EXOC2: variants seen among roughly 807,000 people sequenced by gnomAD.
The protein encoded by EXOC2 is exocyst complex component 2.
Under a neutral mutation model 131.8 loss-of-function variants are expected in EXOC2, and 70 were observed. That is an observed-to-expected ratio of 0.53 (90% CI 0.44 to 0.65). EXOC2 has a LOEUF of 0.65. Among genes scored for constraint, EXOC2 ranks in the 30% least tolerant of loss-of-function variants. The probability of loss-of-function intolerance (pLI) is 0.00; values close to 1 mark genes in which losing one functional copy is unlikely to be tolerated. For missense variants in EXOC2, 923 were observed against 1,108.6 expected (o/e 0.83, Z 2.38); for synonymous variants, 411 against 398.4 (o/e 1.03, Z -0.38).
chr6:499,428 TAAACACACAC>T (rs1258221221), intron 24 of EXOC2, among the ~76,000 whole-genome samples: 26 of 79,128 alleles, frequency 3.3e-4, no homozygotes, highest in African/African-American at 1.2e-3. Flanking sequence ...GACTCACAGT[TAAACACACAC>T]ACACACACAC....
chr6:568,691 T>C (rs1361087830), intron 13 of EXOC2, among the ~76,000 whole-genome samples: 1 of 152,226 alleles, frequency 6.6e-6, no homozygotes, highest in African/African-American at 2.4e-5. Flanking sequence ...GCATATCCTC[T>C]GCTTGTATCC....
At chr6:640,584 C>T (rs373267989) in intron 1 of EXOC2, among the ~76,000 whole-genome samples, 1 of 152,158 alleles carries the variant, frequency 6.6e-6, no homozygotes, top group South Asian at 2.1e-4. Flanking sequence ...AAAGGTGAAA[C>T]GAGGTCACAT....
At chr6:497,612 A>G in intron 24 of EXOC2, 123 bp from the exon 25 acceptor site, 2 of 1,278,128 alleles carry the variant, frequency 1.6e-6, no homozygotes, top group Non-Finnish European at 2.1e-6. Context: ...CATTTTTAAA[A>G]GGCCAAAATT....
At chr6:624,183 C>T (rs1761436062) in intron 4 of EXOC2, among the ~76,000 whole-genome samples, 2 of 152,096 alleles carry the variant, frequency 1.3e-5, no homozygotes, top group South Asian at 4.1e-4. Flanking sequence ...AATACCAATG[C>T]CAGAGTCCAT....
At chr6:672,864 T>G (rs1275557900) in intron 1 of EXOC2, among the ~76,000 whole-genome samples, 1 of 151,664 alleles carries the variant, frequency 6.6e-6, no homozygotes, top group African/African-American at 2.4e-5. Context: ...CATAAGTAAG[T>G]TGCATTCTTA....
intron 22 of EXOC2, among the ~76,000 whole-genome samples, chr6:538,637 T>G (rs554444269): frequency 6.2e-4 from 95 of 152,308 alleles, no homozygotes; most frequent in African/African-American, 2.1e-3. Flanking sequence ...TTAAAAAAGA[T>G]AACAATTTAA....
intron 2 of EXOC2, among the ~76,000 whole-genome samples, chr6:635,971 G>A (rs1438677787): frequency 6.6e-6 from 1 of 152,264 alleles, no homozygotes; most frequent in African/African-American, 2.4e-5. Flanking sequence ...GCTGAGGCAG[G>A]AGAATCGCTT....
chr6:499,886 A>G (rs1188835114), intron 23 of EXOC2, among the ~76,000 whole-genome samples, 186 bp from the exon 24 acceptor site: 1 of 152,208 alleles, frequency 6.6e-6, no homozygotes, highest in East Asian at 1.9e-4. Context: ...AAGAAAAAAA[A>G]AGAAATGAGA....
chr6:538,387 G>C (rs143613335), intron 22 of EXOC2, among the ~76,000 whole-genome samples: 1 of 152,312 alleles, frequency 6.6e-6, no homozygotes, highest in East Asian at 1.9e-4. Flanking sequence ...AAAAGCAAGG[G>C]TCAGATCCAT....
intron 1 of EXOC2, among the ~76,000 whole-genome samples, chr6:638,178 T>C (rs1203419168): frequency 1.3e-5 from 2 of 152,180 alleles, no homozygotes; most frequent in Admixed American, 1.3e-4. Context: ...GAACCCTAAA[T>C]TGATACTAGG....
rs140795508 is a variant in EXOC2, at chr6:672,788, G to T, written c.-44+20231C>A. Among the ~76,000 whole-genome samples the T allele has an allele frequency of 1.7e-3, 258 of 152,260 alleles. 1 individual carries two copies. The highest frequency in any genetic ancestry group is 5.9e-3 in the African/African-American group (247 of 41,544). On this transcript the variant is annotated intron_variant, in intron 1 of 27. Transcript: ENST00000230449. ...AGCTTTTTCCTTATTGTGAGGATTC[G>T]AGTGGTGACTTCCAAGCTCCTACAT...
chr6:611,836 T>C (rs959150556), intron 6 of EXOC2, among the ~76,000 whole-genome samples: 2 of 152,164 alleles, frequency 1.3e-5, no homozygotes, highest in African/African-American at 4.8e-5. Flanking sequence ...AAGTTTGTAT[T>C]TGAGAAACAA....
In EXOC2 at chr6:633,040, G is replaced by T; in HGVS notation, c.196C>A (p.Gln66Lys). Reference sequence around the variant, plus strand: ...ATGTCTCCTTTGTCATTTTTGGCTTGTCCCACTCGACATACTATTTTACTT... The same window carrying T: ...ATGTCTCCTTTGTCATTTTTGGCTTTTCCCACTCGACATACTATTTTACTT... ...SASKIVCRVG[Q>K]AKNDKGDIIV... is the part of the protein sequence containing the mutation. The change falls in exon 3 of 28, where the codon CAA becomes AAA. Residue 66 changes from glutamine to lysine, a missense_variant. By Grantham distance (53) the Gln-to-Lys change is moderately conservative. Transcript: ENST00000230449. The T allele has an allele frequency of 1.2e-6, 2 of 1,614,066 alleles. No homozygotes were observed. Among genetic ancestry groups the T allele is most frequent in the Middle Eastern group, 1.6e-4 (1 of 6,062 alleles).
intron 22 of EXOC2, among the ~76,000 whole-genome samples, chr6:540,053 C>T (rs1766714690): frequency 6.6e-6 from 1 of 152,238 alleles, no homozygotes; most frequent in South Asian, 2.1e-4. Flanking sequence ...AACAGAAGGA[C>T]AGCCTGTGTC....
chr6:502,423 C>T (rs1383251993), intron 23 of EXOC2, among the ~76,000 whole-genome samples: 1 of 152,102 alleles, frequency 6.6e-6, no homozygotes, highest in Non-Finnish European at 1.5e-5. Context: ...GAAAATTATA[C>T]TTAGAGTGAA....
In EXOC2 at chr6:600,978, T is replaced by C. The variant is rs558206082; in HGVS notation, c.743-1753A>G. Among the ~76,000 whole-genome samples the C allele has an allele frequency of 1.3e-3, 198 of 152,314 alleles. 1 individual carries two copies. The highest frequency in any genetic ancestry group is 4.5e-3 in the African/African-American group (185 of 41,556). On this transcript the variant is annotated intron_variant, in intron 7 of 27. Transcript: ENST00000230449. ...GTTCCTAACTCTGATTATCAGATAA[T>C]GTATTCAGTAATAAAATACATGAGG...
At chr6:691,228 G>A (rs2127825234) in intron 1 of EXOC2, among the ~76,000 whole-genome samples, 1 of 152,292 alleles carries the variant, frequency 6.6e-6, no homozygotes, top group African/African-American at 2.4e-5. Context: ...GGGCTCCCAA[G>A]AACTTAGCAA....
intron 23 of EXOC2, among the ~76,000 whole-genome samples, chr6:505,604 T>C (rs950790118): frequency 2.3e-4 from 35 of 152,226 alleles, no homozygotes; most frequent in African/African-American, 8.4e-4. Context: ...CACCCCACTC[T>C]GCATTCCCAG....
intron 2 of EXOC2, among the ~76,000 whole-genome samples, chr6:634,803 A>T (rs1379040501): frequency 1.3e-5 from 2 of 152,092 alleles, no homozygotes; most frequent in Admixed American, 1.3e-4. Context: ...TTTTTTTCAA[A>T]ATGGGCATGT....
Sources: gnomAD v4.1 joint callset for allele counts (sites outside exome capture counted in the v4.1 genomes callset) on GRCh38, gnomAD v4.1.1 for gene constraint, MANE v1.5 for transcripts, NCBI Gene and HGNC (gene_info 2026-07-23, HGNC 2026-07-21) for gene names.